STK4: variants seen among roughly 807,000 people sequenced by gnomAD.
STK4 encodes serine/threonine-protein kinase 4.
A neutral mutation model predicts 64.9 loss-of-function variants in STK4; 30 were observed. That is an observed-to-expected ratio of 0.46 (90% CI 0.35 to 0.63). STK4 has a LOEUF of 0.63. STK4 is among the 20% of genes least tolerant of loss of function. The pLI is 0.01. For synonymous variants in STK4, 177 were observed against 199.0 expected, an observed-to-expected ratio of 0.89 and a Z score of 0.93; for missense variants, 466 against 598.5, an observed-to-expected ratio of 0.78 and a Z score of 2.31.
chr20:45,046,662 T>G (rs1243121806), intron 10 of STK4, among the ~76,000 whole-genome samples: 1 of 151,848 alleles, frequency 6.6e-6, no homozygotes, highest in Non-Finnish European at 1.5e-5. Flanking sequence ...AATTTGCTTT[T>G]CTTTTTTTTT....
intron 10 of STK4, among the ~76,000 whole-genome samples, chr20:45,074,130 A>G (rs1980313343): frequency 6.6e-6 from 1 of 152,208 alleles, no homozygotes; most frequent in African/African-American, 2.4e-5. Flanking sequence ...TGATTCTGCC[A>G]CTTACTAGTT....
chr20:44,998,534 A>G (rs1568705076), intron 7 of STK4, among the ~76,000 whole-genome samples: 1 of 152,216 alleles, frequency 6.6e-6, no homozygotes, highest in Non-Finnish European at 1.5e-5. Context: ...ACCAATGTAT[A>G]TATTTAAAAA....
At chr20:45,041,440 C>T (rs1042139274) in intron 10 of STK4, among the ~76,000 whole-genome samples, 1 of 152,092 alleles carries the variant, frequency 6.6e-6, no homozygotes, top group Admixed American at 6.5e-5. Flanking sequence ...TACTCCATAG[C>T]CATACATAGA....
At chr20:45,053,160 C>T (rs778973480) in intron 10 of STK4, 8 of 1,610,928 alleles carry the variant, frequency 5.0e-6, no homozygotes, top group Admixed American at 1.7e-5. Flanking sequence ...TGTGTAGATA[C>T]GCTTTCTGAG....
chr20:44,968,845 C>A (rs2145623453), intron 1 of STK4, among the ~76,000 whole-genome samples: 1 of 152,282 alleles, frequency 6.6e-6, no homozygotes, highest in East Asian at 1.9e-4. Context: ...TGAAGCAGAT[C>A]AATTTTATTA....
chr20:45,041,285 G>T (rs1249976865), intron 10 of STK4, among the ~76,000 whole-genome samples: 1 of 151,836 alleles, frequency 6.6e-6, no homozygotes, highest in East Asian at 1.9e-4. Context: ...TAATGTTTGG[G>T]AGATATACAC....
At chr20:44,982,037 A>G in intron 4 of STK4, 94 bp downstream of exon 4, 1 of 779,344 alleles carries the variant, frequency 1.3e-6, no homozygotes, top group Non-Finnish European at 2.2e-6. Flanking sequence ...TACTAGAGAG[A>G]CGACTGTCAG....
intron 1 of STK4, 150 bp from the exon 2 acceptor site, chr20:44,971,928 C>G (rs547641441): frequency 1.5e-6 from 1 of 683,280 alleles, no homozygotes; most frequent in Non-Finnish European, 2.4e-6. Flanking sequence ...GTATCGGCCT[C>G]CCAAGAAACC....
chr20:44,998,706 G>A (rs923220269), intron 7 of STK4, among the ~76,000 whole-genome samples: 1 of 152,196 alleles, frequency 6.6e-6, no homozygotes, highest in Non-Finnish European at 1.5e-5. Context: ...GCCTGACCCA[G>A]TTTGCAGACA....
rs140443029 is a variant in STK4 at position 44,986,437 on chromosome 20, A to G, written c.361-695A>G. Among the ~76,000 whole-genome samples, 1,032 of 152,352 alleles carry G rather than the reference A, an allele frequency of 6.8e-3. 4 individuals carry two copies. The highest frequency in any genetic ancestry group is 0.011 in the Non-Finnish European group (727 of 68,034). ...AGCCCTTGTTGAAACAGATTGAGCA[A>G]GGTAGAAAGTGGTAAAAGATGAAGT... On this transcript the variant is annotated intron_variant, in intron 4 of 10. Coordinates refer to ENST00000372806, the MANE Select transcript of STK4 (RefSeq NM_006282.5).
chr20:44,997,688 C>G (rs1171047671), intron 7 of STK4, among the ~76,000 whole-genome samples: 2 of 152,182 alleles, frequency 1.3e-5, no homozygotes, highest in South Asian at 2.1e-4. Flanking sequence ...TAGAGTGAGA[C>G]GCTATCTCGA....
chr20:45,054,158 C>T (rs35140738), intron 10 of STK4, among the ~76,000 whole-genome samples: 38,052 of 152,066 alleles, frequency 0.25, 5,504 homozygotes, highest in Middle Eastern at 0.43. Flanking sequence ...AATGCTGCCC[C>T]GCATATAGGC....
intron 10 of STK4, among the ~76,000 whole-genome samples, chr20:45,068,323 C>T (rs1242761887): frequency 6.6e-6 from 1 of 152,170 alleles, no homozygotes; most frequent in Non-Finnish European, 1.5e-5. Flanking sequence ...TGTTCCTGGC[C>T]TAGCGTAGCT....
chr20:45,056,481 C>G (rs1381924556), intron 10 of STK4, among the ~76,000 whole-genome samples: 1 of 152,150 alleles, frequency 6.6e-6, no homozygotes, highest in Non-Finnish European at 1.5e-5. Flanking sequence ...CAGAATTTAT[C>G]TGTTCACTAC....
chr20:45,035,925 T>C lies in STK4; in HGVS notation c.1305+10795T>C, dbSNP rs113423913. ...ACTATGTGCCAGGCATTACATATGT[T>C]ACCTCGCTCTCAGAACCATCCCATG... is the stretch of plus-strand genomic sequence containing the variant. On this transcript the variant is annotated intron_variant, in intron 10 of 10. Coordinates refer to ENST00000372806, the MANE Select transcript of STK4 (RefSeq NM_006282.5). 3.6e-3 allele frequency among the ~76,000 whole-genome samples: 546 copies of C among 152,348 alleles called. 3 individuals carry two copies. The highest frequency in any genetic ancestry group is 0.013 in the African/African-American group (527 of 41,596).
Position 44,966,544 on chromosome 20 carries a change from G to A in STK4, c.-25G>A, listed in dbSNP as rs966983214. The A allele has an allele frequency of 7.9e-7, 1 of 1,265,250 alleles. No homozygotes were observed. The highest frequency in any genetic ancestry group is 3.1e-5 in the East Asian group (1 of 31,844). The allele number at this position is 1,265,250 out of a possible 1,614,324, so 78.4% of individuals were successfully genotyped here. A position where few individuals can be genotyped will look rare whatever the true frequency, so the allele number is the denominator to read the frequency against. On this transcript the variant is annotated 5_prime_UTR_variant, in exon 1 of 11. Coordinates refer to ENST00000372806, the MANE Select transcript of STK4 (RefSeq NM_006282.5). ...CCGCGGGAGGATGGAGCAGTGAGCG[G>A]GTCTGGGCGGCTGCTGGCAGCGCCA...
chr20:44,976,058 A>C (rs1210813906), intron 2 of STK4, among the ~76,000 whole-genome samples: 2 of 152,362 alleles, frequency 1.3e-5, no homozygotes, highest in African/African-American at 4.8e-5. Context: ...ACATTTTTAA[A>C]AGGACATCAG....
intron 10 of STK4, among the ~76,000 whole-genome samples, chr20:45,046,181 C>A (rs2068691860): frequency 6.6e-6 from 1 of 151,802 alleles, no homozygotes; most frequent in Non-Finnish European, 1.5e-5. Context: ...GCAATCCCAG[C>A]CCTTTGGGAG....
At chr20:45,046,305 C>T (rs113571608) in intron 10 of STK4, among the ~76,000 whole-genome samples, 68 of 150,898 alleles carry the variant, frequency 4.5e-4, no homozygotes, top group African/African-American at 1.6e-3. Flanking sequence ...TGTGGTGGTG[C>T]GTACCTGTAG....
Sources: gnomAD v4.1 joint callset for allele counts (sites outside exome capture counted in the v4.1 genomes callset) on GRCh38, gnomAD v4.1.1 for gene constraint, MANE v1.5 for transcripts, NCBI Gene and HGNC (gene_info 2026-07-23, HGNC 2026-07-21) for gene names.